Variants in GPAT3 observed in about 807,000 individuals in gnomAD.
The protein encoded by GPAT3 is 1-AGP acyltransferase 9.
GPAT3 carries 53 observed loss-of-function variants against 58.8 expected under a neutral mutation model. The observed-to-expected ratio is 0.90, with a 90% CI of 0.72 to 1.13. The LOEUF (loss-of-function observed/expected upper bound fraction) is 1.13, where lower values mean the gene tolerates loss of function less well. Among genes scored for constraint, GPAT3 ranks in the 50% most tolerant of loss-of-function variants. The pLI, the probability that GPAT3 is intolerant of heterozygous loss-of-function variation, is 0.00. For synonymous variants in GPAT3, 197 were observed against 187.4 expected (o/e 1.05, Z -0.42); for missense variants, 511 against 527.6 (o/e 0.97, Z 0.31).
At position 83,543,036 on chromosome 4, in the gene GPAT3, C is replaced by G. The variant is rs181847137; in HGVS notation, c.142-1500C>G. 7.2e-5 allele frequency among the ~76,000 whole-genome samples: 11 copies of G among 152,156 alleles called. 1 individual carries two copies. In the East Asian group the frequency reaches 2.1e-3, roughly 29 times the overall value. On this transcript the variant is annotated intron_variant, in intron 1 of 11. Transcript: ENST00000264409. ...TAAAATAAAATATAAAATGTTAGCT[C>G]ACGCCTGTAATCCCAGCACTTTGGG...
intron 2 of GPAT3, among the ~76,000 whole-genome samples, chr4:83,577,195 T>A (rs35434386): frequency 0.18 from 27,843 of 152,182 alleles, 3,211 homozygotes; most frequent in East Asian, 0.31. Context: ...TTAAGAAATG[T>A]CAGTATCTTG....
At chr4:83,567,651 G>C (rs559141495) in intron 2 of GPAT3, among the ~76,000 whole-genome samples, 1 of 152,142 alleles carries the variant, frequency 6.6e-6, no homozygotes, top group African/African-American at 2.4e-5. Flanking sequence ...AAAAGGTCTG[G>C]GCCAGGAGTG....
chr4:83,579,744 C>T (rs1726035716), intron 2 of GPAT3, among the ~76,000 whole-genome samples: 1 of 152,200 alleles, frequency 6.6e-6, no homozygotes, highest in African/African-American at 2.4e-5. Flanking sequence ...TAAAAGACAT[C>T]AGTCATGGAG....
chr4:83,535,773 G>C (rs1436290363), upstream of GPAT3: 2 of 985,350 alleles, frequency 2.0e-6, no homozygotes, highest in East Asian at 1.1e-4. Flanking sequence ...CGGCGTACAC[G>C]GCTGCGTGGT....
At chr4:83,566,045 GA>G (rs1725368867) in intron 2 of GPAT3, among the ~76,000 whole-genome samples, 1 of 152,072 alleles carries the variant, frequency 6.6e-6, no homozygotes, top group Non-Finnish European at 1.5e-5. Context: ...TTATTTCCCC[GA>G]GCAACCTGTG....
chr4:83,540,243 G>A (rs1197104016), intron 1 of GPAT3, among the ~76,000 whole-genome samples: 1 of 151,926 alleles, frequency 6.6e-6, no homozygotes, highest in Non-Finnish European at 1.5e-5. Context: ...CCTCCAAGAG[G>A]ATTTGGAAAT....
At chr4:83,543,910 G>A (rs1164096978) in intron 1 of GPAT3, among the ~76,000 whole-genome samples, 1 of 152,140 alleles carries the variant, frequency 6.6e-6, no homozygotes, top group Non-Finnish European at 1.5e-5. Context: ...CAAAGTGCTG[G>A]GATTACAGGC....
rs1726943388 is a variant in GPAT3 at position 83,598,725 on chromosome 4, T to TAAGAGAACTTTCAG, written c.1205+6_1205+19dup. 8.3e-7 allele frequency: 1 copy of TAAGAGAACTTTCAG among 1,203,916 alleles called. No homozygotes were observed. The highest frequency in any genetic ancestry group is 1.6e-5 in the African/African-American group (1 of 60,940). 74.6% of individuals were successfully genotyped at this position (1,203,916 alleles called of 1,614,324 possible). ...AGGAGGCCTGACTGAACTTCCCTGG[T>TAAGAGAACTTTCAG]AAGAGAACTTTCAGAAGTACTATCA... On this transcript the variant is annotated splice_region_variant and intron_variant, in intron 11 of 11. Transcript: ENST00000264409.
At position 83,566,596 on chromosome 4, in the gene GPAT3, T is replaced by G. The variant is rs1236667822; in HGVS notation, c.209-14966T>G. ...CTCCTATTTATTCTTGTTTACTTAT[T>G]TTTCCATATGATCTTGAGATTCAGC... On this transcript the variant is annotated intron_variant, in intron 2 of 11. Coordinates refer to ENST00000264409, the MANE Select transcript of GPAT3 (RefSeq NM_032717.5). Among the ~76,000 whole-genome samples, 5 of 151,584 alleles carry G rather than the reference T, an allele frequency of 3.3e-5. No individual in the cohort carries two copies. The East Asian group carries it at 9.7e-4, about 29-fold the overall frequency.
chr4:83,536,594 G>A lies in GPAT3; in HGVS notation c.-29G>A, dbSNP rs1306010601. On this transcript the variant is annotated 5_prime_UTR_variant, in exon 1 of 12. Coordinates refer to ENST00000264409, the MANE Select transcript of GPAT3 (RefSeq NM_032717.5). ...GCTGTGGCGCTCGGCCCTCCACTGC[G>A]GACCTCTCCTGAGTGGGTGCGCCGA... The A allele has an allele frequency of 1.9e-6, 3 of 1,605,766 alleles. No individual in the cohort carries two copies. Among genetic ancestry groups the A allele is most frequent in the African/African-American group, 1.3e-5 (1 of 74,910 alleles).
intron 2 of GPAT3, among the ~76,000 whole-genome samples, chr4:83,568,085 C>T (rs1021726622): frequency 6.6e-6 from 1 of 151,140 alleles, no homozygotes; most frequent in Non-Finnish European, 1.5e-5. Flanking sequence ...TCTCTCCTGC[C>T]CTTATTTTAT....
At chr4:83,542,081 A>T (rs963033025) in intron 1 of GPAT3, among the ~76,000 whole-genome samples, 2 of 152,220 alleles carry the variant, frequency 1.3e-5, no homozygotes, top group African/African-American at 4.8e-5. Context: ...GGAGGGACAT[A>T]ATTCAGCCCA....
chr4:83,572,403 A>G (rs1036074694), intron 2 of GPAT3, among the ~76,000 whole-genome samples: 3 of 152,232 alleles, frequency 2.0e-5, no homozygotes, highest in Non-Finnish European at 4.4e-5. Context: ...TTAAAAGTAG[A>G]AAGAATAGTA....
chr4:83,540,774 C>T (rs1322179947), intron 1 of GPAT3, among the ~76,000 whole-genome samples: 2 of 152,164 alleles, frequency 1.3e-5, no homozygotes, highest in Admixed American at 6.5e-5. Context: ...ACTGCAACCT[C>T]CCCCTCCCGG....
chr4:83,572,131 C>G (rs1212216457), intron 2 of GPAT3, among the ~76,000 whole-genome samples: 3 of 151,872 alleles, frequency 2.0e-5, no homozygotes, highest in Non-Finnish European at 4.4e-5. Context: ...GGGAGTGGGC[C>G]CTGGTGTCTG....
intron 7 of GPAT3, among the ~76,000 whole-genome samples, 179 bp from the exon 8 acceptor site, chr4:83,596,679 G>A (rs765945569): frequency 1.3e-5 from 2 of 152,032 alleles, no homozygotes; most frequent in Non-Finnish European, 2.9e-5. Context: ...TTATAATGGT[G>A]CAGATCTTCT....
intron 2 of GPAT3, among the ~76,000 whole-genome samples, chr4:83,560,579 T>C (rs1442461282): frequency 6.6e-6 from 1 of 152,174 alleles, no homozygotes; most frequent in Non-Finnish European, 1.5e-5. Context: ...TTTAAGTATC[T>C]GGGAAAAAGC....
At chr4:83,590,115 C>T (rs1726540176) in intron 5 of GPAT3, 84 bp from the exon 6 acceptor site, 7 of 1,271,418 alleles carry the variant, frequency 5.5e-6, no homozygotes, top group Non-Finnish European at 6.7e-6. Context: ...TATACACACA[C>T]ACACACTTAA....
chr4:83,600,917 C>G (rs773967656), intron 11 of GPAT3, among the ~76,000 whole-genome samples: 5 of 152,080 alleles, frequency 3.3e-5, no homozygotes, highest in Non-Finnish European at 7.4e-5. Context: ...TTTGGTGTTT[C>G]AAAAACACTT....
Sources: allele counts gnomAD v4.1 joint callset (sites outside exome capture counted in the v4.1 genomes callset), GRCh38; gene constraint gnomAD v4.1.1; transcripts MANE v1.5; gene names NCBI Gene and HGNC (gene_info 2026-07-23, HGNC 2026-07-21).